STUB1: variants seen among roughly 807,000 people sequenced by gnomAD.
The protein encoded by STUB1 is STIP1 homology and U-box containing protein 1.
In STUB1, 37 loss-of-function variants were observed where a neutral mutation model predicts 40.3. That is an observed-to-expected ratio of 0.92 (90% CI 0.71 to 1.21). STUB1 has a LOEUF of 1.21. Ranked by LOEUF, STUB1 falls within the 50% of genes most tolerant of loss-of-function variation. The pLI, the probability that STUB1 is intolerant of heterozygous loss-of-function variation, is 0.00. For missense variants in STUB1, 460 were observed against 421.9 expected (o/e 1.09, Z -0.79); for synonymous variants, 246 against 171.9 (o/e 1.43, Z -3.37).
At position 680,716 on chromosome 16, in the gene STUB1, G is replaced by A; in HGVS notation, c.159+32G>A. ...GCGCCCGCGCGGGGAGGGCGGCGGC[G>A]GTGGCACCGGGGAGGGCCGGGCCCG... On this transcript the variant is annotated intron_variant, in intron 1 of 6. Transcript: ENST00000219548. This position sits in a 1 kb window ranked among gnomAD's most constrained non-coding sequence, Gnocchi z 4.9. 2 of 1,204,114 alleles carry A rather than the reference G, an allele frequency of 1.7e-6. No homozygotes were observed. Among genetic ancestry groups the A allele is most frequent in the Non-Finnish European group, 2.1e-6 (2 of 967,212 alleles). The allele number at this position is 1,204,114 out of a possible 1,614,324, so 74.6% of individuals were successfully genotyped here. A position where few individuals can be genotyped will look rare whatever the true frequency, so the allele number is the denominator to read the frequency against.
chr16:680,978 G>T lies in STUB1; in HGVS notation c.160-174G>T, dbSNP rs2039641179. On this transcript the variant is annotated intron_variant, in intron 1 of 6. Coordinates refer to ENST00000219548, the MANE Select transcript of STUB1 (RefSeq NM_005861.4). This position sits in a 1 kb window ranked among gnomAD's most constrained non-coding sequence, Gnocchi z 4.9. ...TTACAAAACCAAGTGGAATCAAGCG[G>T]ATAGGCTCAGCCAGTACTCCACTGT... 1.4e-6 allele frequency: 1 copy of T among 720,294 alleles called. No individual in the cohort carries two copies. The highest frequency in any genetic ancestry group is 2.2e-6 in the Non-Finnish European group (1 of 450,980). 44.6% of individuals were successfully genotyped at this position (720,294 alleles called of 1,614,324 possible).
rs557232092 is a variant in STUB1, at chr16:680,430, C to G, written c.-96C>G. The stretch of plus-strand genomic sequence containing the variant: ...GCGGCGGAGCTGGGCCGGGCCCGAG[C>G]GGATCGCGGGCTCGGGCTGCGGGGC... On this transcript the variant is annotated 5_prime_UTR_variant, in exon 1 of 7. Coordinates refer to ENST00000219548, the MANE Select transcript of STUB1 (RefSeq NM_005861.4). The surrounding 1 kb of genome is among the most constrained non-coding windows in gnomAD (Gnocchi z 4.9). 2 of 1,086,604 alleles carry G rather than the reference C, an allele frequency of 1.8e-6. No homozygotes were observed. The highest frequency in any genetic ancestry group is 8.9e-5 in the South Asian group (2 of 22,368). 67.3% of individuals were successfully genotyped at this position (1,086,604 alleles called of 1,614,324 possible).
Position 681,823 on chromosome 16 carries a change from G to C in STUB1, c.555G>C (p.Glu185Asp), listed in dbSNP as rs771194855. The C allele has an allele frequency of 2.5e-6, 4 of 1,608,516 alleles. No homozygotes were observed. The highest frequency in any genetic ancestry group is 3.3e-5 in the Admixed American group (2 of 59,824). Reference sequence around the variant, plus strand: ...TGGAAGAGTGCCAGCGAAACCACGAGGGTGATGAGGACGACAGCCACGTCC... The same window carrying C: ...TGGAAGAGTGCCAGCGAAACCACGACGGTGATGAGGACGACAGCCACGTCC... ...RELEECQRNH[E>D]GDEDDSHVRA... The change falls in exon 4 of 7, where the codon GAG (glutamate) becomes GAC (aspartate). Residue 185 changes from glutamate to aspartate, a missense_variant. Transcript: ENST00000219548.
chr16:681,890 C>A lies in STUB1; in HGVS notation c.612+10C>A. ...CATTGAGGCCAAGCACGTGAGGGTG[C>A]CCCCCACCCACATGTGGGTCTGTGT... On this transcript the variant is annotated intron_variant, in intron 4 of 6. Transcript: ENST00000219548. 1 of 1,612,352 alleles carries A rather than the reference C, an allele frequency of 6.2e-7. No individual in the cohort carries two copies.
chr16:681,801 A>G lies in STUB1; in HGVS notation c.533A>G (p.Glu178Gly). ...TCCTGGTCAACCCCCAGGGAGCTGG[A>G]AGAGTGCCAGCGAAACCACGAGGGT... ...LIAAEREREL[E>G]ECQRNHEGDE... The change falls in exon 4 of 7, where the codon GAA becomes GGA. Residue 178 changes from glutamate to glycine, a missense_variant. Glu to Gly is a moderately conservative substitution (Grantham distance 98). Coordinates refer to ENST00000219548, the MANE Select transcript of STUB1 (RefSeq NM_005861.4). 6.3e-7 allele frequency: 1 copy of G among 1,599,566 alleles called. No homozygotes were observed. The highest frequency in any genetic ancestry group is 8.5e-7 in the Non-Finnish European group (1 of 1,170,136).
intron 2 of STUB1, 26 bp from the exon 3 acceptor site, chr16:681,412 A>G (rs781715668): frequency 6.2e-6 from 10 of 1,609,930 alleles, no homozygotes; most frequent in Non-Finnish European, 8.5e-6. Flanking sequence ...CTGGCCAGAG[A>G]GTGACGTGAA....
Position 680,473 on chromosome 16 carries a change from G to C in STUB1, c.-53G>C, listed in dbSNP as rs2039631467. On this transcript the variant is annotated 5_prime_UTR_variant, in exon 1 of 7. Coordinates refer to ENST00000219548, the MANE Select transcript of STUB1 (RefSeq NM_005861.4). The surrounding 1 kb of genome is among the most constrained non-coding windows in gnomAD (Gnocchi z 4.9). The stretch of plus-strand genomic sequence containing the variant: ...TGCGGGGCTCCGGCTGCGGGCGCTG[G>C]GCCGCGAGGCGCGGAGCTTGGGAGC... 1 of 1,178,892 alleles carries C rather than the reference G, an allele frequency of 8.5e-7. No homozygotes were observed. The highest frequency in any genetic ancestry group is 1.0e-6 in the Non-Finnish European group (1 of 952,920). The allele number at this position is 1,178,892 out of a possible 1,614,324, so 73.0% of individuals were successfully genotyped here.
At position 681,317 on chromosome 16, in the gene STUB1, A is replaced by G; in HGVS notation, c.325A>G (p.Ser109Gly). The G allele has an allele frequency of 6.2e-7, 1 of 1,612,846 alleles. No homozygotes were observed. ...GGGGCAGTGCCAGCTGGAGATGGAGAGCTATGATGAGGCCATCGCCAATCT... is the reference window on the plus strand; with the variant it reads ...GGGGCAGTGCCAGCTGGAGATGGAGGGCTATGATGAGGCCATCGCCAATCT... ...FLGQCQLEMESYDEAIANLQR... is the reference protein window; with the variant it reads ...FLGQCQLEMEGYDEAIANLQR... Residue 109 changes from serine to glycine, a missense_variant, in exon 2 of 7, where the codon AGC becomes GGC. Transcript: ENST00000219548.
intron 3 of STUB1, 70 bp from the exon 4 acceptor site, chr16:681,723 G>A (rs1005748540): frequency 5.2e-6 from 8 of 1,552,936 alleles, no homozygotes; most frequent in South Asian, 1.2e-5. Context: ...GTGGATGTTA[G>A]CTCTGAGATT....
At position 682,576 on chromosome 16, in the gene STUB1, C is replaced by T; in HGVS notation, c.*87C>T. 2 of 1,564,590 alleles carry T rather than the reference C, an allele frequency of 1.3e-6. No individual in the cohort carries two copies. The highest frequency in any genetic ancestry group is 1.7e-6 in the Non-Finnish European group (2 of 1,148,818). On this transcript the variant is annotated 3_prime_UTR_variant, in exon 7 of 7. Transcript: ENST00000219548. Reference sequence around the variant, plus strand: ...TATACATAGTTTATGTTCCTGGCCACCCCGACCGCTTCCCCCAAGTTCTGC... The same window carrying T: ...TATACATAGTTTATGTTCCTGGCCATCCCGACCGCTTCCCCCAAGTTCTGC...
Position 682,072 on chromosome 16 carries a change from G to A in STUB1, c.665G>A (p.Arg222Lys), listed in dbSNP as rs755255559. ...DELFSQVDEK[R>K]KKRDIPDYLC... is the part of the protein sequence containing the mutation. Reference sequence around the variant, plus strand: ...CTTTTTTCTCAGGTGGATGAGAAGAGGAAGGTGAGTGTGTGTCGCTTGCTG... The same window carrying A: ...CTTTTTTCTCAGGTGGATGAGAAGAAGAAGGTGAGTGTGTGTCGCTTGCTG... Residue 222 changes from arginine to lysine, a missense_variant, in exon 5 of 7, where the codon AGG becomes AAG. Arg to Lys is a conservative substitution (Grantham distance 26, BLOSUM62 2). Coordinates refer to ENST00000219548, the MANE Select transcript of STUB1 (RefSeq NM_005861.4). 27 of 1,583,276 alleles carry A rather than the reference G, an allele frequency of 1.7e-5. No homozygotes were observed. The highest frequency in any genetic ancestry group is 2.2e-5 in the Non-Finnish European group (26 of 1,158,944).
chr16:681,727 T>G, intron 3 of STUB1, 66 bp from the exon 4 acceptor site: 1 of 1,551,094 alleles, frequency 6.4e-7, no homozygotes, highest in Non-Finnish European at 8.8e-7. Flanking sequence ...ATGTTAGCTC[T>G]GAGATTGGGG....
Position 682,624 on chromosome 16 carries a change from C to T in STUB1, c.*135C>T, listed in dbSNP as rs1409167389. On this transcript the variant is annotated 3_prime_UTR_variant, in exon 7 of 7. Coordinates refer to ENST00000219548, the MANE Select transcript of STUB1 (RefSeq NM_005861.4). ...TGCTGTTGGACTCTGGACTGTTTCC[C>T]CTCTCAGCATCGCTTTTGCTGGGCC... 1.4e-6 allele frequency: 2 copies of T among 1,448,620 alleles called. No homozygotes were observed. The highest frequency in any genetic ancestry group is 1.9e-6 in the Non-Finnish European group (2 of 1,060,624). 89.7% of individuals were successfully genotyped at this position (1,448,620 alleles called of 1,614,324 possible). A position where few individuals can be genotyped will look rare whatever the true frequency, so the allele number is the denominator to read the frequency against.
At position 680,479 on chromosome 16, in the gene STUB1, G is replaced by A. The variant is rs976188395; in HGVS notation, c.-47G>A. ...GCTCCGGCTGCGGGCGCTGGGCCGC[G>A]AGGCGCGGAGCTTGGGAGCGGAGCC... On this transcript the variant is annotated 5_prime_UTR_variant, in exon 1 of 7. Transcript: ENST00000219548. This position sits in a 1 kb window ranked among gnomAD's most constrained non-coding sequence, Gnocchi z 4.9. 8.4e-7 allele frequency: 1 copy of A among 1,184,398 alleles called. No individual in the cohort carries two copies. Among genetic ancestry groups the A allele is most frequent in the African/African-American group, 1.6e-5 (1 of 62,362 alleles). 73.4% of individuals were successfully genotyped at this position (1,184,398 alleles called of 1,614,324 possible). A position where few individuals can be genotyped will look rare whatever the true frequency, so the allele number is the denominator to read the frequency against.
rs751602672 is a variant in STUB1 at position 682,145 on chromosome 16, C to A, written c.670-20C>A. The A allele has an allele frequency of 7.5e-6, 12 of 1,595,798 alleles. No individual in the cohort carries two copies. The Admixed American group carries it at 1.7e-4, about 22-fold the overall frequency. The stretch of plus-strand genomic sequence containing the variant: ...GCAGTGCCCCTTTTCAGCCTCTGAC[C>A]GTGTGCCCCTGTGCCACAGAAGCGA... On this transcript the variant is annotated intron_variant, in intron 5 of 6. Transcript: ENST00000219548.
In STUB1 at chr16:680,440, GC is replaced by G; in HGVS notation, c.-85del. On this transcript the variant is annotated 5_prime_UTR_variant, in exon 1 of 7. Coordinates refer to ENST00000219548, the MANE Select transcript of STUB1 (RefSeq NM_005861.4). The surrounding 1 kb of genome is among the most constrained non-coding windows in gnomAD (Gnocchi z 4.9). ...TGGGCCGGGCCCGAGCGGATCGCGGGCTCGGGCTGCGGGGCTCCGGCTGCGG... is the reference window on the plus strand; with the variant it reads ...TGGGCCGGGCCCGAGCGGATCGCGGGTCGGGCTGCGGGGCTCCGGCTGCGG... 8.9e-7 allele frequency: 1 copy of G among 1,125,328 alleles called. No individual in the cohort carries two copies. Among genetic ancestry groups the G allele is most frequent in the South Asian group, 4.3e-5 (1 of 23,044 alleles). 69.7% of individuals were successfully genotyped at this position (1,125,328 alleles called of 1,614,324 possible).
Position 680,876 on chromosome 16 carries a change from G to A in STUB1, c.159+192G>A. 1.6e-6 allele frequency: 1 copy of A among 613,246 alleles called. No individual in the cohort carries two copies. The highest frequency in any genetic ancestry group is 2.5e-6 in the Non-Finnish European group (1 of 395,138). The allele number at this position is 613,246 out of a possible 1,614,324, so 38.0% of individuals were successfully genotyped here. A position where few individuals can be genotyped will look rare whatever the true frequency, so the allele number is the denominator to read the frequency against. ...GCGATGCTGGATGGAGGCCGGCCGG[G>A]TGGGGGGAGGGCAGGGGCCCTCGAC... On this transcript the variant is annotated intron_variant, in intron 1 of 6. Transcript: ENST00000219548. This position sits in a 1 kb window ranked among gnomAD's most constrained non-coding sequence, Gnocchi z 4.9.
chr16:682,437 A>G lies in STUB1; in HGVS notation c.860A>G (p.Lys287Arg), dbSNP rs766960266. ...QEQLIPNLAM[K>R]EVIDAFISEN... The stretch of plus-strand genomic sequence containing the variant: ...CAGCTCATCCCCAACTTGGCTATGA[A>G]GGAGGTTATTGACGCATTCATCTCT... The change falls in exon 7 of 7, where the codon AAG (lysine) becomes AGG (arginine). Residue 287 changes from lysine (K) to arginine (R), a missense_variant. Lys to Arg is a conservative substitution (Grantham distance 26). Coordinates refer to ENST00000219548, the MANE Select transcript of STUB1 (RefSeq NM_005861.4). 6.2e-7 allele frequency: 1 copy of G among 1,613,476 alleles called. No individual in the cohort carries two copies. The highest frequency in any genetic ancestry group is 8.5e-7 in the Non-Finnish European group (1 of 1,180,000).
In STUB1 at chr16:682,392, G is replaced by A. The variant is rs770889589; in HGVS notation, c.815G>A (p.Arg272Gln). ...QRVGHFDPVT[R>Q]SPLTQEQLIP... ...GTGGGTCATTTTGACCCCGTGACCC[G>A]GAGCCCCCTGACCCAGGAACAGCTC... is the stretch of plus-strand genomic sequence containing the variant. The change falls in exon 7 of 7, where the codon CGG (arginine) becomes CAG (glutamine). Residue 272 changes from arginine to glutamine, a missense_variant. By Grantham distance (43) the Arg-to-Gln change is conservative. Coordinates refer to ENST00000219548, the MANE Select transcript of STUB1 (RefSeq NM_005861.4). The A allele has an allele frequency of 2.2e-5, 35 of 1,613,264 alleles. No homozygotes were observed. Among genetic ancestry groups the A allele is most frequent in the Non-Finnish European group, 2.7e-5 (32 of 1,179,994 alleles).
Sources: gnomAD v4.1 joint callset for allele counts on GRCh38, gnomAD v4.1.1 for gene constraint, Gnocchi (gnomAD v3.1) non-coding constraint, MANE v1.5 for transcripts, NCBI Gene and HGNC (gene_info 2026-07-23, HGNC 2026-07-21) for gene names.